The following DPT variants were observed in gnomAD, a reference collection of about 807,000 sequenced individuals.
DPT encodes dermatopontin.
Under a neutral mutation model 31.2 loss-of-function variants are expected in DPT, and 21 were observed. The observed-to-expected ratio is 0.67, with a 90% confidence interval of 0.48 to 0.97. DPT has a LOEUF of 0.97. Among genes scored for constraint, DPT ranks in the 50% least tolerant of loss-of-function variants. The pLI is 0.00. For missense variants in DPT, 262 were observed against 258.8 expected (o/e 1.01, Z -0.08); for synonymous variants, 91 against 86.9 (o/e 1.05, Z -0.26).
intron 2 of DPT, among the ~76,000 whole-genome samples, chr1:168,713,143 T>C (rs1332903943): frequency 6.6e-6 from 1 of 152,208 alleles, no homozygotes; most frequent in African/African-American, 2.4e-5. Context: ...GTTCAGGACC[T>C]ATCCCAGTGG....
intron 1 of DPT, among the ~76,000 whole-genome samples, chr1:168,722,849 AACACACACACACACACAC>A (rs10585221): frequency 2.0e-5 from 3 of 149,716 alleles, no homozygotes; most frequent in African/African-American, 7.4e-5. Flanking sequence ...CCCTCAAAGA[AACACACACACACACACAC>A]ACACACACAC....
chr1:168,711,007 T>C (rs550221254), intron 2 of DPT, among the ~76,000 whole-genome samples: 8 of 151,178 alleles, frequency 5.3e-5, no homozygotes, highest in Non-Finnish European at 8.8e-5. Flanking sequence ...TGCTTTTTTT[T>C]TTCTTCTTCT....
intron 2 of DPT, among the ~76,000 whole-genome samples, chr1:168,710,196 G>A (rs528062692): frequency 6.6e-6 from 1 of 152,286 alleles, no homozygotes; most frequent in South Asian, 2.1e-4. Context: ...GTACCATGGT[G>A]CACACTTGAA....
rs551239914 is a variant in DPT at position 168,720,894 on chromosome 1, C to T, written c.306-6548G>A. Among the ~76,000 whole-genome samples the T allele has an allele frequency of 2.6e-4, 39 of 152,186 alleles. 1 individual carries two copies. Among genetic ancestry groups the T allele is most frequent in the Admixed American group, 8.5e-4 (13 of 15,276 alleles). On this transcript the variant is annotated intron_variant, in intron 1 of 3. Transcript: ENST00000367817. Reference sequence around the variant, plus strand: ...TGCTATCAGGCATTTATAAAAAGGCCCACAGAATTTTAGAATGTTCATTAA... The same window carrying T: ...TGCTATCAGGCATTTATAAAAAGGCTCACAGAATTTTAGAATGTTCATTAA...
At chr1:168,714,609 G>A (rs1218905643) in intron 1 of DPT, among the ~76,000 whole-genome samples, 2 of 152,164 alleles carry the variant, frequency 1.3e-5, no homozygotes, top group African/African-American at 4.8e-5. Flanking sequence ...TATATTGTTA[G>A]ATGGAAGCCT....
chr1:168,716,248 A>G (rs752243085), intron 1 of DPT, among the ~76,000 whole-genome samples: 7 of 152,050 alleles, frequency 4.6e-5, no homozygotes, highest in Non-Finnish European at 7.4e-5. Flanking sequence ...TTATTTATTC[A>G]TTCATTTATT....
chr1:168,697,968 G>A (rs1013807958), intron 3 of DPT, among the ~76,000 whole-genome samples: 2 of 152,172 alleles, frequency 1.3e-5, no homozygotes, highest in Admixed American at 6.5e-5. Context: ...GGGCAAAAAC[G>A]AAGAGTTTTT....
chr1:168,716,719 G>T (rs1649994551), intron 1 of DPT, among the ~76,000 whole-genome samples: 1 of 152,022 alleles, frequency 6.6e-6, no homozygotes, highest in African/African-American at 2.4e-5. Context: ...CTCTACCCCC[G>T]ACTGGTCCCA....
rs776002309 is a variant in DPT, at chr1:168,729,080, T to A, written c.95A>T (p.Asp32Val). The A allele has an allele frequency of 2.5e-6, 4 of 1,614,216 alleles. No homozygotes were observed. The highest frequency in any genetic ancestry group is 3.4e-6 in the Non-Finnish European group (4 of 1,180,046). The change falls in exon 1 of 4, where the codon GAC becomes GTC. Residue 32 changes from aspartate to valine, a missense_variant. Asp to Val is a radical substitution (Grantham distance 152). Transcript: ENST00000367817. Reference sequence around the variant, plus strand: ...ATTCACCCACCCATCATCGCTGTAGTCATGATACTGCTGGTATGGGTATCC... The same window carrying A: ...ATTCACCCACCCATCATCGCTGTAGACATGATACTGCTGGTATGGGTATCC... ...DYGYPYQQYH[D>V]YSDDGWVNLN...
intron 3 of DPT, among the ~76,000 whole-genome samples, chr1:168,700,127 A>C (rs578251768): frequency 6.6e-6 from 1 of 152,252 alleles, no homozygotes; most frequent in South Asian, 2.1e-4. Context: ...ATTGGAACCT[A>C]ATACTCAATG....
At chr1:168,709,564 C>T (rs1262219827) in intron 2 of DPT, among the ~76,000 whole-genome samples, 1 of 152,140 alleles carries the variant, frequency 6.6e-6, no homozygotes, top group African/African-American at 2.4e-5. Flanking sequence ...ATCTCATACT[C>T]ATTTGGGAGT....
intron 3 of DPT, among the ~76,000 whole-genome samples, chr1:168,697,783 A>G (rs1649496838): frequency 6.6e-6 from 1 of 152,202 alleles, no homozygotes; most frequent in Non-Finnish European, 1.5e-5. Context: ...AACCAGGCTC[A>G]GAGAAATAAT....
chr1:168,707,693 C>T (rs1465334574), intron 2 of DPT, among the ~76,000 whole-genome samples: 2 of 152,186 alleles, frequency 1.3e-5, no homozygotes, highest in Non-Finnish European at 2.9e-5. Context: ...GACGGTCACT[C>T]TCATGCTGTT....
intron 2 of DPT, among the ~76,000 whole-genome samples, chr1:168,709,190 A>G (rs970971428): frequency 1.8e-4 from 28 of 152,192 alleles, no homozygotes; most frequent in African/African-American, 6.5e-4. Flanking sequence ...ATGATTCACA[A>G]CCATCAGATC....
At position 168,708,539 on chromosome 1, in the gene DPT, G is replaced by A. The variant is rs762816768; in HGVS notation, c.431+5682C>T. ...TCTATAGTAATAGCTTCCAGCTTGC[G>A]CAGAGGACCAGTATGGAAGCTGCTC... On this transcript the variant is annotated intron_variant, in intron 2 of 3. Coordinates refer to ENST00000367817, the MANE Select transcript of DPT (RefSeq NM_001937.5). Among the ~76,000 whole-genome samples, 7 of 152,178 alleles carry A rather than the reference G, an allele frequency of 4.6e-5. No individual in the cohort carries two copies. The East Asian group carries it at 7.7e-4, about 17-fold the overall frequency.
chr1:168,719,628 T>G (rs1650056671), intron 1 of DPT, among the ~76,000 whole-genome samples: 2 of 151,964 alleles, frequency 1.3e-5, no homozygotes, highest in South Asian at 4.2e-4. Flanking sequence ...TTCAGGCCCC[T>G]TCATGGATGT....
At chr1:168,717,178 A>G (rs1327064805) in intron 1 of DPT, among the ~76,000 whole-genome samples, 2 of 152,248 alleles carry the variant, frequency 1.3e-5, no homozygotes, top group African/African-American at 4.8e-5. Flanking sequence ...CCAACAGTGT[A>G]AAAGAATTCC....
rs960239841 is a variant in DPT, at chr1:168,701,206, G to A, written c.432-82C>T. 3.7e-6 allele frequency: 4 copies of A among 1,094,056 alleles called. No homozygotes were observed. In the African/African-American group the frequency reaches 6.2e-5, roughly 17 times the overall value. The allele number at this position is 1,094,056 out of a possible 1,614,324, so 67.8% of individuals were successfully genotyped here. On this transcript the variant is annotated intron_variant, in intron 2 of 3. Coordinates refer to ENST00000367817, the MANE Select transcript of DPT (RefSeq NM_001937.5). ...CAAACAGAAGACACACTATGAAGAA[G>A]AGATGGAGTTTGAGCATCCTGGCAA...
chr1:168,698,586 A>G (rs886997095), intron 3 of DPT, among the ~76,000 whole-genome samples: 14 of 152,172 alleles, frequency 9.2e-5, no homozygotes, highest in African/African-American at 3.4e-4. Flanking sequence ...ATTTCACACC[A>G]GGACAGTGGG....
Sources: gnomAD v4.1 joint callset for allele counts (sites outside exome capture counted in the v4.1 genomes callset) on GRCh38, gnomAD v4.1.1 for gene constraint, MANE v1.5 for transcripts, NCBI Gene and HGNC (gene_info 2026-07-23, HGNC 2026-07-21) for gene names.